The following NALCN variants were observed in gnomAD, a reference collection of about 807,000 sequenced individuals.
The protein encoded by NALCN is sodium leak channel NALCN.
NALCN carries 111 observed loss-of-function variants against 225.3 expected under a neutral mutation model. The observed-to-expected ratio is 0.49, with a 90% CI of 0.42 to 0.58. The LOEUF is 0.58. NALCN is among the 20% of genes least tolerant of loss of function. The pLI is 0.00. For missense variants in NALCN, 1,378 were observed against 2,202.4 expected (o/e 0.63, Z 7.49); for synonymous variants, 764 against 769.0 (o/e 0.99, Z 0.11).
intron 7 of NALCN, 101 bp downstream of exon 7, chr13:101,345,165 A>G: frequency 8.2e-7 from 1 of 1,219,976 alleles, no homozygotes; most frequent in South Asian, 1.5e-5. Flanking sequence ...CTTCTATACT[A>G]CAGCCAGTCA....
At chr13:101,346,057 T>TCTCTCTCTCTCTCTCTCTCTCTC (rs2045717331) in intron 6 of NALCN, among the ~76,000 whole-genome samples, 1 of 75,568 alleles carries the variant, frequency 1.3e-5, no homozygotes, top group Admixed American at 1.9e-4. Flanking sequence ...TTGAGAGACT[T>TCTCTCTCTCTCTCTCTCTCTCTC]TCTCTCTCTC....
chr13:101,171,325 G>A (rs911706815), intron 15 of NALCN, among the ~76,000 whole-genome samples: 1 of 147,702 alleles, frequency 6.8e-6, no homozygotes, highest in African/African-American at 2.5e-5. Context: ...TATACGTATA[G>A]ATATTACATA....
At chr13:101,310,805 A>C (rs2044315695) in intron 7 of NALCN, among the ~76,000 whole-genome samples, 1 of 152,152 alleles carries the variant, frequency 6.6e-6, no homozygotes, top group Non-Finnish European at 1.5e-5. Flanking sequence ...ACCAGGAAGG[A>C]AACTGATAGA....
chr13:101,284,922 A>AGT (rs1486767345), intron 9 of NALCN, among the ~76,000 whole-genome samples: 1 of 152,100 alleles, frequency 6.6e-6, no homozygotes, highest in Admixed American at 6.5e-5. Context: ...CTTAGGAGCG[A>AGT]GTGTGTGTGT....
chr13:101,335,348 G>A (rs186369415), intron 7 of NALCN, among the ~76,000 whole-genome samples: 1 of 152,142 alleles, frequency 6.6e-6, no homozygotes, highest in East Asian at 1.9e-4. Context: ...GAGAACCTGA[G>A]AAACCTAAAG....
At chr13:101,336,714 A>G (rs2045390388) in intron 7 of NALCN, among the ~76,000 whole-genome samples, 1 of 152,230 alleles carries the variant, frequency 6.6e-6, no homozygotes, top group Non-Finnish European at 1.5e-5. Flanking sequence ...TCTAATAAAG[A>G]AATTAATTAA....
At chr13:101,397,109 T>TATATACAC (rs1169730118) in intron 2 of NALCN, among the ~76,000 whole-genome samples, 27 of 80,952 alleles carry the variant, frequency 3.3e-4, no homozygotes, top group African/African-American at 7.1e-4. Context: ...TATATATATA[T>TATATACAC]ACATACACAT....
At chr13:101,098,221 C>T (rs2034622120) in intron 27 of NALCN, among the ~76,000 whole-genome samples, 1 of 152,156 alleles carries the variant, frequency 6.6e-6, no homozygotes, top group Admixed American at 6.6e-5. Context: ...CACAATTTCC[C>T]ATGCTGACAT....
chr13:101,335,803 G>A (rs936411723), intron 7 of NALCN, among the ~76,000 whole-genome samples: 2 of 150,880 alleles, frequency 1.3e-5, no homozygotes, highest in African/African-American at 2.4e-5. Context: ...AAAAATATAC[G>A]TTCTGTAATA....
chr13:101,225,420 G>A (rs2140120928), intron 13 of NALCN, among the ~76,000 whole-genome samples: 1 of 152,238 alleles, frequency 6.6e-6, no homozygotes, highest in African/African-American at 2.4e-5. Context: ...GAAAAAGGAG[G>A]AGCATCCAAG....
intron 26 of NALCN, among the ~76,000 whole-genome samples, 157 bp from the exon 27 acceptor site, chr13:101,101,045 T>C (rs1346656137): frequency 1.3e-5 from 2 of 152,136 alleles, no homozygotes; most frequent in African/African-American, 2.4e-5. Flanking sequence ...GTCACACAAT[T>C]AGCCTTACTG....
In NALCN at chr13:101,073,659, C is replaced by G. The variant is rs139869457; in HGVS notation, c.4122G>C (p.Ser1374=). The G allele has an allele frequency of 9.3e-6, 15 of 1,610,778 alleles. No individual in the cohort carries two copies. Among genetic ancestry groups the G allele is most frequent in the Non-Finnish European group, 1.3e-5 (15 of 1,178,958 alleles). The part of the protein sequence containing the change: ...ENINRHANFS[S]AGKAITVLFR... ...ACAGTACGGTAATAGCTTTTCCAGC[C>G]GAAGAAAAATTTGCATGCCTAATTT... Residue 1374 remains serine, a synonymous_variant, in exon 37 of 44, where the codon TCG becomes TCC. Coordinates refer to ENST00000251127, the MANE Select transcript of NALCN (RefSeq NM_052867.4).
intron 34 of NALCN, among the ~76,000 whole-genome samples, chr13:101,077,550 C>T (rs544486152): frequency 6.6e-6 from 1 of 152,284 alleles, no homozygotes; most frequent in South Asian, 2.1e-4. Flanking sequence ...AGCAAAGAGA[C>T]TGGCAGCATT....
chr13:101,063,124 C>G (rs1431002176), intron 40 of NALCN, among the ~76,000 whole-genome samples: 8 of 152,182 alleles, frequency 5.3e-5, no homozygotes, highest in African/African-American at 1.9e-4. Flanking sequence ...GGTGTAGCCA[C>G]AGGATTCCAG....
At chr13:101,120,348 G>T (rs150271759) in intron 18 of NALCN, among the ~76,000 whole-genome samples, 1 of 152,050 alleles carries the variant, frequency 6.6e-6, no homozygotes, top group Non-Finnish European at 1.5e-5. Context: ...CAACTTCACC[G>T]TTGATTTCAG....
At chr13:101,408,799 T>G (rs971209431) in intron 1 of NALCN, among the ~76,000 whole-genome samples, 1 of 152,182 alleles carries the variant, frequency 6.6e-6, no homozygotes, top group African/African-American at 2.4e-5. Flanking sequence ...GAATTTTGCA[T>G]GCATGGTCCA....
intron 1 of NALCN, among the ~76,000 whole-genome samples, chr13:101,408,715 T>G (rs181534272): frequency 2.6e-5 from 4 of 152,298 alleles, no homozygotes; most frequent in Non-Finnish European, 5.9e-5. Context: ...AAATGCCACC[T>G]GCCACTTTTC....
chr13:101,369,714 C>G lies in NALCN; in HGVS notation c.644+6986G>C, dbSNP rs190072993. Among the ~76,000 whole-genome samples the G allele has an allele frequency of 7.4e-4, 112 of 152,288 alleles. 1 individual carries two copies. Among genetic ancestry groups the G allele is most frequent in the Admixed American group, 1.1e-3 (17 of 15,284 alleles). ...TTCTTCATCTCCATATTGATTGTCTCCAACCCACACAATATCTTTTTCCAT... is the reference window on the plus strand; with the variant it reads ...TTCTTCATCTCCATATTGATTGTCTGCAACCCACACAATATCTTTTTCCAT... On this transcript the variant is annotated intron_variant, in intron 6 of 43. Transcript: ENST00000251127.
chr13:101,193,571 T>G (rs2039769719), intron 13 of NALCN, among the ~76,000 whole-genome samples: 1 of 152,180 alleles, frequency 6.6e-6, no homozygotes, highest in Non-Finnish European at 1.5e-5. Context: ...GAAGAAGTGT[T>G]TTGTTCATGA....
Sources: gnomAD v4.1 joint callset for allele counts (sites outside exome capture counted in the v4.1 genomes callset) on GRCh38, gnomAD v4.1.1 for gene constraint, MANE v1.5 for transcripts, NCBI Gene and HGNC (gene_info 2026-07-23, HGNC 2026-07-21) for gene names.